GALM: variants seen among roughly 807,000 people sequenced by gnomAD.
GALM encodes the protein aldose 1-epimerase.
In GALM, 43 loss-of-function variants were observed where a neutral mutation model predicts 37.4. The ratio of observed to expected loss-of-function variants is 1.15; its 90% CI spans 0.90 to 1.48. GALM has a LOEUF of 1.48. Ranked by LOEUF, GALM falls within the 40% of genes most tolerant of loss-of-function variation. GALM has a pLI of 0.00. For missense variants in GALM, 456 were observed against 419.1 expected (o/e 1.09, Z -0.77); for synonymous variants, 199 against 170.6 (o/e 1.17, Z -1.30).
intron 4 of GALM, among the ~76,000 whole-genome samples, chr2:38,725,570 A>G (rs1402962810): frequency 6.6e-6 from 1 of 150,454 alleles, no homozygotes; most frequent in Non-Finnish European, 1.5e-5. Context: ...ACACACGTAT[A>G]TATATAATTG....
At chr2:38,714,768 A>G (rs1169050385) in intron 4 of GALM, among the ~76,000 whole-genome samples, 5 of 152,240 alleles carry the variant, frequency 3.3e-5, no homozygotes, top group African/African-American at 4.8e-5. Context: ...GCATGTAACA[A>G]CCAGTAAGAA....
At chr2:38,679,983 A>C in intron 2 of GALM, 1 of 448,498 alleles carries the variant, frequency 2.2e-6, no homozygotes, top group Non-Finnish European at 4.5e-6. Context: ...CAAGATTCCA[A>C]TTCCTATTTC....
intron 1 of GALM, among the ~76,000 whole-genome samples, chr2:38,675,553 G>T (rs1432107731): frequency 1.7e-4 from 14 of 82,622 alleles, no homozygotes; most frequent in African/African-American, 8.1e-4. Flanking sequence ...TTGTGTGTGT[G>T]TGTGTGTGTG....
chr2:38,673,473 G>A lies in GALM; in HGVS notation c.191-2439G>A, dbSNP rs548216470. Among the ~76,000 whole-genome samples the A allele has an allele frequency of 2.1e-3, 323 of 152,262 alleles. 4 individuals are homozygous for A. In the South Asian group the frequency reaches 0.028, roughly 13 times the overall value. On this transcript the variant is annotated intron_variant, in intron 1 of 6. Coordinates refer to ENST00000272252, the MANE Select transcript of GALM (RefSeq NM_138801.3). ...AATATGCCCACGCCCAAAGTTGTAA[G>A]TATGAGGACGCTACTTTGCTTTTTA...
chr2:38,697,437 T>C (rs773198271), intron 4 of GALM, among the ~76,000 whole-genome samples: 3 of 152,194 alleles, frequency 2.0e-5, no homozygotes, highest in Non-Finnish European at 4.4e-5. Context: ...TAATTTATAC[T>C]TATATGTTTT....
intron 5 of GALM, among the ~76,000 whole-genome samples, chr2:38,730,568 A>C (rs1215544338): frequency 6.6e-6 from 1 of 152,096 alleles, no homozygotes; most frequent in Non-Finnish European, 1.5e-5. Flanking sequence ...CCCGGTCAAC[A>C]GTTTTTAAAT....
At chr2:38,702,027 G>A (rs1665931239) in intron 4 of GALM, among the ~76,000 whole-genome samples, 2 of 152,020 alleles carry the variant, frequency 1.3e-5, no homozygotes, top group African/African-American at 2.4e-5. Flanking sequence ...TCCTCAGTAT[G>A]TATTGTTGGT....
chr2:38,733,975 C>G lies in GALM; in HGVS notation c.*410C>G. ...ACCTCCAACCACTGTCAGCAGCACT[C>G]TGGAGTTTTCAAATGTCACATTAGC... On this transcript the variant is annotated 3_prime_UTR_variant, in exon 7 of 7. Coordinates refer to ENST00000272252, the MANE Select transcript of GALM (RefSeq NM_138801.3). 2 of 275,060 alleles carry G rather than the reference C, an allele frequency of 7.3e-6. No homozygotes were observed. 17.0% of individuals were successfully genotyped at this position (275,060 alleles called of 1,614,324 possible). A position where few individuals can be genotyped will look rare whatever the true frequency, so the allele number is the denominator to read the frequency against.
At chr2:38,732,420 G>A (rs975739455) in intron 6 of GALM, among the ~76,000 whole-genome samples, 1 of 152,168 alleles carries the variant, frequency 6.6e-6, no homozygotes, top group Non-Finnish European at 1.5e-5. Flanking sequence ...CTACTAACAT[G>A]GGATTTACAT....
intron 1 of GALM, chr2:38,671,565 G>A (rs1179354125): frequency 6.6e-6 from 1 of 152,190 alleles, no homozygotes; most frequent in African/African-American, 2.4e-5. Context: ...CACCAGGTGG[G>A]ATTACAATTC....
chr2:38,696,522 C>G (rs1665809391), intron 4 of GALM, among the ~76,000 whole-genome samples: 1 of 150,162 alleles, frequency 6.7e-6, no homozygotes, highest in Admixed American at 6.7e-5. Context: ...CATCAAACTT[C>G]TGGGGCTCAA....
chr2:38,697,348 G>A (rs1428039898), intron 4 of GALM, among the ~76,000 whole-genome samples: 3 of 152,224 alleles, frequency 2.0e-5, no homozygotes, highest in Non-Finnish European at 4.4e-5. Context: ...GTCCTGCAGG[G>A]TTGCTTCTCA....
intron 5 of GALM, 83 bp downstream of exon 5, chr2:38,729,780 T>G: frequency 1.9e-5 from 22 of 1,128,684 alleles, no homozygotes; most frequent in Non-Finnish European, 2.7e-5. Flanking sequence ...CCTCTGGCCA[T>G]ATCAATAGCA....
At chr2:38,675,735 A>AT (rs1377042713) in intron 1 of GALM, among the ~76,000 whole-genome samples, 177 bp from the exon 2 acceptor site, 2 of 150,786 alleles carry the variant, frequency 1.3e-5, no homozygotes, top group East Asian at 3.9e-4. Flanking sequence ...CGCCCAGCTA[A>AT]TTTTTTTGTA....
At chr2:38,693,319 C>A (rs1432464895) in intron 4 of GALM, among the ~76,000 whole-genome samples, 2 of 152,020 alleles carry the variant, frequency 1.3e-5, no homozygotes, top group African/African-American at 2.4e-5. Flanking sequence ...CCTGTCTCTA[C>A]TAAAAATTCA....
intron 4 of GALM, among the ~76,000 whole-genome samples, chr2:38,728,219 C>A (rs1464244028): frequency 6.6e-6 from 1 of 151,852 alleles, no homozygotes; most frequent in Non-Finnish European, 1.5e-5. Flanking sequence ...CATGGTGAAA[C>A]CCCATCTCTA....
At chr2:38,675,525 TG>T (rs779088370) in intron 1 of GALM, among the ~76,000 whole-genome samples, 15,980 of 99,572 alleles carry the variant, frequency 0.16, 1,843 homozygotes, top group East Asian at 0.41. Context: ...AGGGTTTTTT[TG>T]TTTTTTTTTT....
chr2:38,728,246 T>C (rs1474932469), intron 4 of GALM, among the ~76,000 whole-genome samples: 1 of 147,328 alleles, frequency 6.8e-6, no homozygotes, highest in East Asian at 2.0e-4. Context: ...ATACAAAAAT[T>C]AGCTGGGCGT....
chr2:38,710,416 G>A (rs1666125629), intron 4 of GALM, among the ~76,000 whole-genome samples: 2 of 152,204 alleles, frequency 1.3e-5, no homozygotes, highest in Admixed American at 1.3e-4. Context: ...AGGCCTTCCT[G>A]TATTGAGGTG....
Sources: allele counts gnomAD v4.1 joint callset (sites outside exome capture counted in the v4.1 genomes callset), GRCh38; gene constraint gnomAD v4.1.1; transcripts MANE v1.5; gene names NCBI Gene and HGNC (gene_info 2026-07-23, HGNC 2026-07-21).